Variants in PRH1 observed in about 807,000 individuals in gnomAD.
PRH1 encodes salivary acidic proline-rich phosphoprotein 1/2.
Under a neutral mutation model 7.9 loss-of-function variants are expected in PRH1, and 7 were observed. That is an observed-to-expected ratio of 0.89 (90% confidence interval 0.50 to 1.67). The LOEUF (loss-of-function observed/expected upper bound fraction) is 1.67. Ranked by LOEUF, PRH1 falls within the 40% of genes most tolerant of loss-of-function variation. The pLI is 0.00. For synonymous variants in PRH1, 45 were observed against 80.8 expected (o/e 0.56, Z 2.38); for missense variants, 109 against 223.6 (o/e 0.49, Z 3.27).
chr12:10,910,642 T>C (rs1949884882), intron 2 of PRH1, among the ~76,000 whole-genome samples: 1 of 152,020 alleles, frequency 6.6e-6, no homozygotes, highest in South Asian at 2.1e-4. Flanking sequence ...GAGTCAAGGT[T>C]CCTCACCCCG....
At chr12:11,090,581 T>A (rs1200535535) in intron 1 of PRH1, among the ~76,000 whole-genome samples, 1 of 115,422 alleles carries the variant, frequency 8.7e-6, no homozygotes, top group African/African-American at 2.9e-5. Flanking sequence ...GAGAAGGAAT[T>A]TTTTCCTAAG....
chr12:11,031,483 C>G (rs1942215651), intron 1 of PRH1: 2 of 938,734 alleles, frequency 2.1e-6, no homozygotes, highest in Non-Finnish European at 3.1e-6. Context: ...GGCATGGACC[C>G]AAAGAGTGAG....
chr12:11,151,872 CATAAT>C lies in PRH1; in HGVS notation n.39+19545_39+19549del, dbSNP rs1947100605. Among the ~76,000 whole-genome samples the C allele has an allele frequency of 2.6e-5, 4 of 152,010 alleles. No individual in the cohort carries two copies. The South Asian group carries it at 8.3e-4, about 32-fold the overall frequency. On this transcript the variant is annotated intron_variant and non_coding_transcript_variant, in intron 1 of 1. Coordinates refer to the PRH1 transcript ENST00000541175. ...TTAAATCTATTAGTGAGTTGATTAT[CATAAT>C]ATATTACCATGGGTTAAACCATCTT...
At chr12:11,045,202 G>C (rs1288580364) in intron 1 of PRH1, among the ~76,000 whole-genome samples, 1 of 141,910 alleles carries the variant, frequency 7.0e-6, no homozygotes, top group East Asian at 2.1e-4. Context: ...GAATACATCA[G>C]AAACAACTGC....
intron 1 of PRH1, among the ~76,000 whole-genome samples, chr12:11,083,937 G>GTATAGTGTTCTA (rs1311213420): frequency 5.4e-5 from 4 of 74,126 alleles, no homozygotes; most frequent in Admixed American, 1.4e-4. Flanking sequence ...TGGTTCTGCT[G>GTATAGTGTTCTA]GGACAATTAA....
chr12:10,908,599 C>A (rs757671004), intron 2 of PRH1: 1 of 1,613,924 alleles, frequency 6.2e-7, no homozygotes, highest in South Asian at 1.1e-5. Context: ...AATGAGATCA[C>A]AATTTTCAAG....
intron 1 of PRH1, among the ~76,000 whole-genome samples, chr12:11,062,811 A>C (rs1008989995): frequency 1.3e-5 from 2 of 152,096 alleles, no homozygotes; most frequent in Non-Finnish European, 2.9e-5. Flanking sequence ...TTTTTAAATG[A>C]CAGATTTAAA....
At chr12:10,953,967 T>TCAACA (rs1937820919) in intron 2 of PRH1, among the ~76,000 whole-genome samples, 1 of 152,126 alleles carries the variant, frequency 6.6e-6, no homozygotes, top group African/African-American at 2.4e-5. Flanking sequence ...TCAGAAATTT[T>TCAACA]TTGAAAAAGA....
chr12:10,938,193 G>A, intron 2 of PRH1: 1 of 1,125,562 alleles, frequency 8.9e-7, no homozygotes, highest in East Asian at 2.5e-5. Flanking sequence ...AGAATCTTAA[G>A]GAAGTATAAA....
At chr12:10,939,356 T>A in intron 2 of PRH1, 1 of 545,924 alleles carries the variant, frequency 1.8e-6, no homozygotes, top group Non-Finnish European at 3.1e-6. Flanking sequence ...CATCCAGATT[T>A]GCTAATGGCT....
chr12:11,112,862 C>A (rs1027054078), intron 1 of PRH1, among the ~76,000 whole-genome samples: 1 of 152,136 alleles, frequency 6.6e-6, no homozygotes, highest in African/African-American at 2.4e-5. Flanking sequence ...GTCAAACTGT[C>A]TCTGTTTGCA....
At chr12:11,114,943 A>C (rs1945689981) in intron 1 of PRH1, among the ~76,000 whole-genome samples, 1 of 152,180 alleles carries the variant, frequency 6.6e-6, no homozygotes, top group Admixed American at 6.6e-5. Context: ...TCACCAGAGA[A>C]AATAACCTTC....
chr12:10,924,013 T>TTG (rs1950089505), intron 2 of PRH1, among the ~76,000 whole-genome samples: 2 of 148,028 alleles, frequency 1.4e-5, no homozygotes, highest in Non-Finnish European at 3.0e-5. Flanking sequence ...TTTTTTTTTT[T>TTG]GAGACGGAGT....
rs1944279910 is a variant in PRH1 at position 11,076,111 on chromosome 12, CTTATT to C, written n.124-28928_124-28924del. Among the ~76,000 whole-genome samples, 4 of 57,612 alleles carry C rather than the reference CTTATT, an allele frequency of 6.9e-5. No individual in the cohort carries two copies. In the Admixed American group the frequency reaches 7.8e-4, roughly 11 times the overall value. 37.8% of individuals were successfully genotyped at this position (57,612 alleles called of 152,430 possible). ...ATATATATATCAGATGAGGAGTTGACTTATTTTAAGTTTTACATAACAATGTTAAA... is the reference window on the plus strand; with the variant it reads ...ATATATATATCAGATGAGGAGTTGACTTAAGTTTTACATAACAATGTTAAA... On this transcript the variant is annotated intron_variant and non_coding_transcript_variant, in intron 1 of 4. Coordinates refer to the PRH1 transcript ENST00000541977.
chr12:10,964,997 AG>A (rs1356735001), intron 2 of PRH1: 1 of 749,806 alleles, frequency 1.3e-6, no homozygotes, highest in Admixed American at 2.1e-5. Context: ...TTTTAAGTGA[AG>A]AAAAATAAAG....
At chr12:11,104,240 C>T (rs1307358909) in intron 1 of PRH1, among the ~76,000 whole-genome samples, 3 of 135,478 alleles carry the variant, frequency 2.2e-5, no homozygotes, top group Non-Finnish European at 4.9e-5. Context: ...CCAGATACTC[C>T]CGATATATGT....
chr12:10,994,779 A>G (rs1423869774), intron 1 of PRH1, among the ~76,000 whole-genome samples: 1 of 149,644 alleles, frequency 6.7e-6, no homozygotes, highest in East Asian at 2.0e-4. Context: ...ATATTTTAGT[A>G]AGATAGTTGG....
chr12:10,966,656 G>C (rs1408249611), intron 2 of PRH1, among the ~76,000 whole-genome samples: 2 of 151,874 alleles, frequency 1.3e-5, no homozygotes, highest in Admixed American at 6.6e-5. Flanking sequence ...ATATCAATAT[G>C]TAATGTAGTG....
rs1339389505 is a variant in PRH1 at position 11,085,810 on chromosome 12, A to G, written n.124-38622T>C. ...AATTTTTTCCTTGTTTAACCTGTCTATAATTTGTGTTCAGCAATGTCGGTT... is the reference window on the plus strand; with the variant it reads ...AATTTTTTCCTTGTTTAACCTGTCTGTAATTTGTGTTCAGCAATGTCGGTT... On this transcript the variant is annotated intron_variant and non_coding_transcript_variant, in intron 1 of 4. Transcript: ENST00000541977. Among the ~76,000 whole-genome samples, 9 of 120,580 alleles carry G rather than the reference A, an allele frequency of 7.5e-5. 1 individual carries two copies. Among genetic ancestry groups the G allele is most frequent in the African/African-American group, 2.5e-4 (9 of 35,716 alleles). 79.1% of individuals were successfully genotyped at this position (120,580 alleles called of 152,430 possible). A position where few individuals can be genotyped will look rare whatever the true frequency, so the allele number is the denominator to read the frequency against.
Sources: gnomAD v4.1 joint callset for allele counts (sites outside exome capture counted in the v4.1 genomes callset) on GRCh38, gnomAD v4.1.1 for gene constraint, MANE v1.5 for transcripts, NCBI Gene and HGNC (gene_info 2026-07-23, HGNC 2026-07-21) for gene names.